SLC38A6: variants seen among roughly 807,000 people sequenced by gnomAD.
The protein encoded by SLC38A6 is solute carrier family 38 member 6, also known as N system amino acid transporter NAT-1.
Under a neutral mutation model 65.0 loss-of-function variants are expected in SLC38A6, and 73 were observed. The ratio of observed to expected loss-of-function variants is 1.12; its 90% confidence interval spans 0.93 to 1.37. The LOEUF is 1.37. Ranked by LOEUF, SLC38A6 falls within the 40% of genes most tolerant of loss-of-function variation. The pLI is 0.00. For missense variants in SLC38A6, 561 were observed against 531.1 expected (o/e 1.06, Z -0.55); for synonymous variants, 183 against 178.8 (o/e 1.02, Z -0.19).
At chr14:60,984,708 C>G in intron 2 of SLC38A6, 22 bp from the exon 3 acceptor site, 1 of 1,612,628 alleles carries the variant, frequency 6.2e-7, no homozygotes, top group Non-Finnish European at 8.5e-7. Flanking sequence ...AGGTTTTGAC[C>G]AGGTGTTCTT....
At chr14:61,046,826 G>A (rs760319685) in intron 12 of SLC38A6, among the ~76,000 whole-genome samples, 10 of 152,060 alleles carry the variant, frequency 6.6e-5, no homozygotes, top group Non-Finnish European at 1.3e-4. Context: ...AAAGTTCTGT[G>A]TACACCATCA....
intron 15 of SLC38A6, among the ~76,000 whole-genome samples, chr14:61,071,833 A>G (rs1293118248): frequency 6.6e-6 from 1 of 152,220 alleles, no homozygotes; most frequent in African/African-American, 2.4e-5. Context: ...AAAGACAGGA[A>G]CTATGACATT....
downstream of SLC38A6, among the ~76,000 whole-genome samples, chr14:61,054,136 T>C (rs983926436): frequency 1.3e-5 from 2 of 152,216 alleles, no homozygotes; most frequent in African/African-American, 4.8e-5. Context: ...AGTGAGTCTT[T>C]TCCCCATTGC....
At chr14:61,015,524 G>A (rs1467434850) in intron 3 of SLC38A6, among the ~76,000 whole-genome samples, 1 of 16,644 alleles carries the variant, frequency 6.0e-5, no homozygotes, top group Non-Finnish European at 5.1e-4. Flanking sequence ...TCAGAAATGA[G>A]ATAGAGAAAC....
chr14:61,010,067 T>C (rs1030879280), intron 3 of SLC38A6, among the ~76,000 whole-genome samples: 5 of 152,224 alleles, frequency 3.3e-5, no homozygotes, highest in African/African-American at 7.2e-5. Context: ...TTTTAATGAT[T>C]GCCATTCTAA....
intron 3 of SLC38A6, among the ~76,000 whole-genome samples, chr14:60,994,125 A>C (rs1322262061): frequency 6.6e-6 from 1 of 152,236 alleles, no homozygotes; most frequent in African/African-American, 2.4e-5. Flanking sequence ...TCTACACAAA[A>C]ACCTCCATAA....
intron 5 of SLC38A6, among the ~76,000 whole-genome samples, chr14:61,027,410 A>C (rs2040668489): frequency 1.3e-5 from 2 of 152,118 alleles, no homozygotes; most frequent in African/African-American, 4.8e-5. Context: ...AGGAATCTAT[A>C]CTAGGTGTCC....
intron 5 of SLC38A6, among the ~76,000 whole-genome samples, chr14:61,029,141 G>C: frequency 6.7e-6 from 1 of 149,500 alleles, no homozygotes; most frequent in East Asian, 2.0e-4. Flanking sequence ...TGCACACAAA[G>C]TATACTCTTT....
At chr14:60,999,030 C>T (rs1434217506) in intron 3 of SLC38A6, among the ~76,000 whole-genome samples, 2 of 152,186 alleles carry the variant, frequency 1.3e-5, no homozygotes, top group African/African-American at 2.4e-5. Flanking sequence ...CATATACTAC[C>T]TATTGTATTC....
chr14:61,038,359 C>T (rs1169697039), intron 8 of SLC38A6, among the ~76,000 whole-genome samples: 2 of 151,960 alleles, frequency 1.3e-5, no homozygotes, highest in Non-Finnish European at 2.9e-5. Flanking sequence ...TCTTAACATT[C>T]TAAAGATAGT....
chr14:61,066,514 G>GA (rs899379683), intron 15 of SLC38A6, among the ~76,000 whole-genome samples: 43 of 145,276 alleles, frequency 3.0e-4, no homozygotes, highest in South Asian at 4.4e-4. Flanking sequence ...TTGCCAGGGA[G>GA]AAAAAAAAAA....
chr14:61,025,508 G>C (rs147504987), intron 5 of SLC38A6, among the ~76,000 whole-genome samples: 6 of 152,216 alleles, frequency 3.9e-5, no homozygotes, highest in African/African-American at 1.2e-4. Flanking sequence ...TAGAATAGGA[G>C]AGGTACAGGA....
rs2037324171 is a variant in SLC38A6, at chr14:60,984,711, G to A, written c.237-19G>A. 6.2e-7 allele frequency: 1 copy of A among 1,613,200 alleles called. No individual in the cohort carries two copies. The highest frequency in any genetic ancestry group is 8.5e-7 in the Non-Finnish European group (1 of 1,179,430). ...CAAACTTTTGGGAGGTTTTGACCAGGTGTTCTTTTATGTTTTAGCTTCTTG... is the reference window on the plus strand; with the variant it reads ...CAAACTTTTGGGAGGTTTTGACCAGATGTTCTTTTATGTTTTAGCTTCTTG... On this transcript the variant is annotated intron_variant, in intron 2 of 15. Coordinates refer to ENST00000267488, the MANE Select transcript of SLC38A6 (RefSeq NM_153811.3).
intron 5 of SLC38A6, among the ~76,000 whole-genome samples, chr14:61,026,846 A>G (rs947633193): frequency 2.6e-5 from 4 of 152,104 alleles, no homozygotes; most frequent in Admixed American, 2.6e-4. Flanking sequence ...TGAGGAAATA[A>G]CTTGTGTAGA....
intron 13 of SLC38A6, among the ~76,000 whole-genome samples, chr14:61,051,246 C>G (rs913338512): frequency 1.3e-5 from 2 of 152,138 alleles, no homozygotes; most frequent in African/African-American, 4.8e-5. Flanking sequence ...GGCTTCAAGC[C>G]TCCTCCCTGT....
chr14:61,030,431 T>G lies in SLC38A6; in HGVS notation c.404-14T>G, dbSNP rs1415196933. ...CATAGAATTCTAATAGGAACACTATTTATTCTTTTGCAGCTATGTCATCTT... is the reference window on the plus strand; with the variant it reads ...CATAGAATTCTAATAGGAACACTATGTATTCTTTTGCAGCTATGTCATCTT... On this transcript the variant is annotated splice_polypyrimidine_tract_variant and intron_variant, in intron 5 of 15. Transcript: ENST00000267488. The G allele has an allele frequency of 1.3e-6, 2 of 1,581,546 alleles. No homozygotes were observed. The highest frequency in any genetic ancestry group is 3.6e-5 in the Admixed American group (2 of 55,402).
chr14:61,051,403 T>C (rs2042500832), intron 13 of SLC38A6, among the ~76,000 whole-genome samples: 1 of 152,208 alleles, frequency 6.6e-6, no homozygotes, highest in Middle Eastern at 3.2e-3. Context: ...TAGTAAGTGG[T>C]ATTTCTTTCC....
intron 16 of SLC38A6, chr14:61,083,417 A>C (rs995552111): frequency 7.5e-7 from 1 of 1,326,412 alleles, no homozygotes; most frequent in African/African-American, 1.5e-5. Flanking sequence ...TCCAACCCCA[A>C]ATTCGTAGGT....
chr14:60,989,741 T>G (rs1344123854), intron 3 of SLC38A6, among the ~76,000 whole-genome samples: 1 of 152,016 alleles, frequency 6.6e-6, no homozygotes, highest in African/African-American at 2.4e-5. Flanking sequence ...GAAAAAGAAT[T>G]ATCTAAACCA....
Sources: gnomAD v4.1 joint callset for allele counts (sites outside exome capture counted in the v4.1 genomes callset) on GRCh38, gnomAD v4.1.1 for gene constraint, MANE v1.5 for transcripts, NCBI Gene and HGNC (gene_info 2026-07-23, HGNC 2026-07-21) for gene names.